The following DIP2C variants were observed in gnomAD, a reference collection of about 807,000 sequenced individuals.
DIP2C encodes DIP2 acetate--CoA ligase C (putative).
DIP2C carries 33 observed loss-of-function variants against 192.4 expected under a neutral mutation model. The observed-to-expected ratio is 0.17, with a 90% confidence interval of 0.13 to 0.23. The LOEUF (loss-of-function observed/expected upper bound fraction) is 0.23, where lower values mean the gene tolerates loss of function less well. Ranked by LOEUF, DIP2C falls within the 10% of genes least tolerant of loss-of-function variation. The pLI is 1.00. For synonymous variants in DIP2C, 979 were observed against 864.1 expected (o/e 1.13, Z -2.33); for missense variants, 1,537 against 2,110.1 (o/e 0.73, Z 5.32).
At chr10:359,923 T>A (rs1959238301) in intron 22 of DIP2C, among the ~76,000 whole-genome samples, 1 of 152,212 alleles carries the variant, frequency 6.6e-6, no homozygotes, top group African/African-American at 2.4e-5. Flanking sequence ...GCCTGGCTGA[T>A]GAAGCTCTGA....
chr10:356,528 AGGATCAGGCTGTGCGGTT>A lies in DIP2C; in HGVS notation c.2905-40_2905-23del, dbSNP rs534774634. On this transcript the variant is annotated intron_variant, in intron 23 of 36. Transcript: ENST00000280886. ...GGAACTGGAACAGAGCACGGGCATG[AGGATCAGGCTGTGCGGTT>A]GGATCAGGCTGTGCGGGCTGAGGTG... 1,946 of 1,599,138 alleles carry A rather than the reference AGGATCAGGCTGTGCGGTT, an allele frequency of 1.2e-3. 21 individuals are homozygous for A. The African/African-American group carries it at 0.017, about 14-fold the overall frequency.
intron 1 of DIP2C, among the ~76,000 whole-genome samples, chr10:676,529 ATC>A (rs1158608355): frequency 1.3e-5 from 2 of 152,012 alleles, no homozygotes; most frequent in Non-Finnish European, 2.9e-5. Context: ...TCCAGCAAAA[ATC>A]TCTTTGAACT....
chr10:642,388 G>A (rs1377951539), intron 1 of DIP2C, among the ~76,000 whole-genome samples: 2 of 152,228 alleles, frequency 1.3e-5, no homozygotes, highest in African/African-American at 2.4e-5. Flanking sequence ...GGGCCACATC[G>A]CCCTAAACAC....
At chr10:551,234 C>T (rs892217280) in intron 1 of DIP2C, among the ~76,000 whole-genome samples, 4 of 152,224 alleles carry the variant, frequency 2.6e-5, no homozygotes, top group Admixed American at 2.6e-4. Flanking sequence ...TGCTTCTCAA[C>T]ATCGTCCACG....
chr10:347,819 C>T (rs997689343), intron 26 of DIP2C, among the ~76,000 whole-genome samples: 1 of 147,542 alleles, frequency 6.8e-6, no homozygotes, highest in East Asian at 2.0e-4. Flanking sequence ...CCAGACACAT[C>T]GCGCATAGCT....
At chr10:655,989 C>T (rs76281224) in intron 1 of DIP2C, among the ~76,000 whole-genome samples, 386 of 51,476 alleles carry the variant, frequency 7.5e-3, no homozygotes, top group Middle Eastern at 0.044. Flanking sequence ...TCCTATTGTA[C>T]ACTATACTAT....
At chr10:476,177 G>A (rs1482537608) in intron 2 of DIP2C, among the ~76,000 whole-genome samples, 1 of 152,158 alleles carries the variant, frequency 6.6e-6, no homozygotes, top group East Asian at 1.9e-4. Flanking sequence ...ACACACTCAA[G>A]AGTCTGGAGA....
intron 10 of DIP2C, among the ~76,000 whole-genome samples, chr10:395,107 G>A (rs986273585): frequency 1.8e-5 from 2 of 113,278 alleles, no homozygotes; most frequent in Non-Finnish European, 3.7e-5. Flanking sequence ...GGGGGGGAGG[G>A]AGGAGTTGGG....
intron 35 of DIP2C, 76 bp downstream of exon 35, chr10:283,196 G>A: frequency 1.3e-6 from 2 of 1,537,454 alleles, no homozygotes; most frequent in Non-Finnish European, 1.8e-6. Context: ...TAAACCTTGG[G>A]AAAGGCTTCT....
In DIP2C at chr10:349,347, G is replaced by T; in HGVS notation, c.3093C>A (p.Ala1031=). The part of the protein sequence containing the change: ...RGHLQDGDHV[A]LVYPPGIDLI... Reference sequence around the variant, plus strand: ...CGCCTGTACCTGGGGGGTAGACCAAGGCCACGTGGTCGCCGTCCTGAAGGT... The same window carrying T: ...CGCCTGTACCTGGGGGGTAGACCAATGCCACGTGGTCGCCGTCCTGAAGGT... The change falls in exon 25 of 37, where the codon GCC becomes GCA. Residue 1031 remains alanine (A), a synonymous_variant. Transcript: ENST00000280886. 1 of 1,608,728 alleles carries T rather than the reference G, an allele frequency of 6.2e-7. No homozygotes were observed.
At chr10:577,799 GTT>G (rs997808505) in intron 1 of DIP2C, among the ~76,000 whole-genome samples, 8 of 150,822 alleles carry the variant, frequency 5.3e-5, no homozygotes, top group African/African-American at 2.0e-4. Flanking sequence ...GAGATGTTTT[GTT>G]TTGTTTCTTT....
intron 1 of DIP2C, among the ~76,000 whole-genome samples, chr10:524,130 T>C (rs1298083445): frequency 6.6e-6 from 1 of 152,038 alleles, no homozygotes; most frequent in Non-Finnish European, 1.5e-5. Context: ...CTCCAGGCCC[T>C]AACGTCCATG....
chr10:621,676 G>A (rs1384127329), intron 1 of DIP2C, among the ~76,000 whole-genome samples: 4 of 152,108 alleles, frequency 2.6e-5, no homozygotes, highest in African/African-American at 7.2e-5. Flanking sequence ...TCACCCTTCC[G>A]CCTCCATCCT....
chr10:349,282 G>A (rs974223502), intron 25 of DIP2C, 49 bp downstream of exon 25: 6 of 1,581,344 alleles, frequency 3.8e-6, no homozygotes, highest in South Asian at 3.3e-5. Context: ...CTCGCACCGC[G>A]GCTGACCGGC....
intron 2 of DIP2C, 151 bp from the exon 3 acceptor site, chr10:472,700 GC>G: frequency 3.0e-6 from 2 of 665,390 alleles, no homozygotes; most frequent in Non-Finnish European, 5.1e-6. Flanking sequence ...AGACAGGAGG[GC>G]CAGGACTGAG....
chr10:337,946 C>A (rs1192238061), intron 29 of DIP2C, among the ~76,000 whole-genome samples: 4 of 131,756 alleles, frequency 3.0e-5, no homozygotes, highest in South Asian at 2.5e-4. Context: ...CTGTGGAGGC[C>A]TAGACAGTCG....
intron 1 of DIP2C, among the ~76,000 whole-genome samples, chr10:560,011 C>T (rs947256258): frequency 4.0e-5 from 6 of 148,840 alleles, no homozygotes; most frequent in Non-Finnish European, 6.0e-5. Flanking sequence ...CAGTTCTCAC[C>T]TCTCTCCCCA....
chr10:505,380 C>CCTT (rs1423998971), intron 1 of DIP2C, among the ~76,000 whole-genome samples: 7 of 152,324 alleles, frequency 4.6e-5, no homozygotes, highest in Non-Finnish European at 8.8e-5. Context: ...GGCATCTCCA[C>CCTT]CTTCTACTGC....
intron 29 of DIP2C, among the ~76,000 whole-genome samples, chr10:336,906 G>GTT (rs1471790625): frequency 1.7e-5 from 2 of 114,926 alleles, no homozygotes; most frequent in Non-Finnish European, 4.4e-5. Context: ...GTGTGTGTGT[G>GTT]TGTGTGTGTG....
Sources: allele counts gnomAD v4.1 joint callset (sites outside exome capture counted in the v4.1 genomes callset), GRCh38; gene constraint gnomAD v4.1.1; transcripts MANE v1.5; gene names NCBI Gene and HGNC (gene_info 2026-07-23, HGNC 2026-07-21).